Variants in ZNF142 observed in about 807,000 individuals in gnomAD.
The protein encoded by ZNF142 is zinc finger protein 142, also known as zinc finger protein 142 (clone pHZ-49).
In ZNF142, 96 loss-of-function variants were observed where a neutral mutation model predicts 132.1. That is an observed-to-expected ratio of 0.73 (90% confidence interval 0.62 to 0.86). ZNF142 has a LOEUF of 0.86. Ranked by LOEUF, ZNF142 falls within the 40% of genes least tolerant of loss-of-function variation. ZNF142 has a pLI of 0.00. For synonymous variants in ZNF142, 842 were observed against 890.1 expected (o/e 0.95, Z 0.96); for missense variants, 2,163 against 2,336.2 (o/e 0.93, Z 1.53).
Position 218,633,717 on chromosome 2 carries a change from C to T in ZNF142, c.*4622G>A, listed in dbSNP as rs1288402683. 1 of 1,613,956 alleles carries T rather than the reference C, an allele frequency of 6.2e-7. No homozygotes were observed. Among genetic ancestry groups the T allele is most frequent in the Admixed American group, 1.7e-5 (1 of 60,008 alleles). ...GAGCACTACCACTTCTACGAGATAT[C>T]ATCTTTCTCTGAAACCAAGGCCAAG... On this transcript the variant is annotated 3_prime_UTR_variant, in exon 11 of 11. Coordinates refer to ENST00000411696, the MANE Select transcript of ZNF142 (RefSeq NM_001379659.1).
At chr2:218,651,593 T>G in intron 5 of ZNF142, 108 bp downstream of exon 5, 2 of 1,157,198 alleles carry the variant, frequency 1.7e-6, no homozygotes, top group Non-Finnish European at 2.2e-6. Context: ...ACTGTCTAGA[T>G]TCTCTTATAT....
rs746498584 is a variant in ZNF142 at position 218,644,631 on chromosome 2, G to A, written c.2485C>T (p.Pro829Ser). Residue 829 changes from proline (P) to serine (S), a missense_variant, in exon 9 of 11, where the codon CCC (proline) becomes TCC (serine). Transcript: ENST00000411696. The surrounding 1 kb of genome is among the most constrained non-coding windows in gnomAD (Gnocchi z 4.6). Reference sequence around the variant, plus strand: ...GGTCGGGCTGACAGCTGGTTTGAGGGCTCTGAATCTGGTGGGGGTGTTGGG... The same window carrying A: ...GGTCGGGCTGACAGCTGGTTTGAGGACTCTGAATCTGGTGGGGGTGTTGGG... ...QGPTPPPDSEPSNQLSARPEG... is the reference protein window; with the variant it reads ...QGPTPPPDSESSNQLSARPEG... 3.1e-6 allele frequency: 5 copies of A among 1,614,102 alleles called. No homozygotes were observed. The Admixed American group carries it at 6.7e-5, about 22-fold the overall frequency.
Position 218,646,311 on chromosome 2 carries a change from T to C in ZNF142, c.1911A>G (p.Thr637=), listed in dbSNP as rs775137502. ...TGGATAGGTAGCTCACGTCTCGGCA[T>C]GTGAAGTCACACAGCTCACACTTGT... is the stretch of plus-strand genomic sequence containing the variant. The part of the protein sequence containing the change: ...KPHKCELCDF[T]CRDVSYLSKH... The change falls in exon 8 of 11, where the codon ACA becomes ACG. Residue 637 remains threonine, a synonymous_variant. Coordinates refer to ENST00000411696, the MANE Select transcript of ZNF142 (RefSeq NM_001379659.1). The C allele has an allele frequency of 8.7e-6, 14 of 1,614,092 alleles. No homozygotes were observed. The highest frequency in any genetic ancestry group is 1.6e-4 in the Middle Eastern group (1 of 6,082).
chr2:218,653,886 G>A (rs547225605), intron 4 of ZNF142, among the ~76,000 whole-genome samples: 3 of 152,146 alleles, frequency 2.0e-5, no homozygotes, highest in Admixed American at 2.0e-4. Flanking sequence ...GTCTCTCTCT[G>A]TCACCCAGGC....
Position 218,636,838 on chromosome 2 carries a change from T to C in ZNF142, c.*1501A>G. On this transcript the variant is annotated 3_prime_UTR_variant, in exon 11 of 11. Coordinates refer to ENST00000411696, the MANE Select transcript of ZNF142 (RefSeq NM_001379659.1). ...TCCTTTGTGTACTCTATACTGGAGT[T>C]CCCTTCTTCCTCTTGCTGTAGGCTC... The C allele has an allele frequency of 1.8e-6, 1 of 548,610 alleles. No homozygotes were observed. The highest frequency in any genetic ancestry group is 1.5e-5 in the South Asian group (1 of 65,362). The allele number at this position is 548,610 out of a possible 1,614,324, so 34.0% of individuals were successfully genotyped here. A position where few individuals can be genotyped will look rare whatever the true frequency, so the allele number is the denominator to read the frequency against.
rs537548545 is a variant in ZNF142 at position 218,652,218 on chromosome 2, G to A, written c.363C>T (p.His121=). The A allele has an allele frequency of 8.8e-6, 4 of 456,810 alleles. No individual in the cohort carries two copies. The highest frequency in any genetic ancestry group is 6.9e-5 in the East Asian group (1 of 14,398). The allele number at this position is 456,810 out of a possible 1,614,324, so 28.3% of individuals were successfully genotyped here. Residue 121 remains histidine (H), a synonymous_variant, in exon 5 of 11, where the codon CAC becomes CAT. Coordinates refer to ENST00000411696, the MANE Select transcript of ZNF142 (RefSeq NM_001379659.1). ...GCTGTATATGGGTCTCACTGCACTG[G>A]TGCAGGGCCAGCAGAGTGGGCTCTG... The part of the protein sequence containing the change: ...SFAEPTLLAL[H]QCSETHIQPV...
chr2:218,646,829 C>A (rs958818348), intron 7 of ZNF142, among the ~76,000 whole-genome samples: 3 of 152,082 alleles, frequency 2.0e-5, no homozygotes, highest in South Asian at 4.1e-4. Flanking sequence ...TTAGGTGATC[C>A]GCCCGCCTTG....
At chr2:218,641,507 G>A (rs1264944622) in intron 9 of ZNF142, among the ~76,000 whole-genome samples, 1 of 151,780 alleles carries the variant, frequency 6.6e-6, no homozygotes, top group Non-Finnish European at 1.5e-5. Flanking sequence ...GCCTCCCAAA[G>A]TGCTGGGATT....
intron 4 of ZNF142, among the ~76,000 whole-genome samples, chr2:218,655,286 T>C (rs1421231417): frequency 2.0e-5 from 3 of 152,206 alleles, no homozygotes; most frequent in Non-Finnish European, 4.4e-5. Context: ...TATGGTCAAA[T>C]TAGCTAATCT....
Position 218,643,093 on chromosome 2 carries a change from T to C in ZNF142, c.4023A>G (p.Pro1341=). Residue 1341 remains proline, a synonymous_variant, in exon 9 of 11, where the codon CCA becomes CCG. Transcript: ENST00000411696. Reference sequence around the variant, plus strand: ...AGGCAGTGGCAGCAGGAGCAGTGAATGGGCAGAGGCTGCAGTGCAGCTCTC... The same window carrying C: ...AGGCAGTGGCAGCAGGAGCAGTGAACGGGCAGAGGCTGCAGTGCAGCTCTC... The part of the protein sequence containing the change: ...ESGELHCSLC[P]FTAPAATALR... The C allele has an allele frequency of 6.2e-7, 1 of 1,609,800 alleles. No homozygotes were observed. The highest frequency in any genetic ancestry group is 1.3e-5 in the African/African-American group (1 of 74,992).
chr2:218,640,233 C>T lies in ZNF142; in HGVS notation c.5194+431G>A, dbSNP rs981435189. Among the ~76,000 whole-genome samples the T allele has an allele frequency of 9.2e-5, 14 of 152,180 alleles. No individual in the cohort carries two copies. In the East Asian group the frequency reaches 1.4e-3, roughly 15 times the overall value. ...CACACGATTGTGTGCTTTCAAGAAC[C>T]GGGTTTGTGGATTCCATCCACACCC... is the stretch of plus-strand genomic sequence containing the variant. On this transcript the variant is annotated intron_variant, in intron 10 of 10. Coordinates refer to ENST00000411696, the MANE Select transcript of ZNF142 (RefSeq NM_001379659.1).
chr2:218,649,292 G>C lies in ZNF142; in HGVS notation c.1216C>G (p.Leu406Val), dbSNP rs1441185801. ...AGCTCCCGCAGCAGATGGGTCTTGA[G>C]CTTGCTCTTACTGGTGAAGAACTTC... ...CQKFFTSKSK[L>V]KTHLLRELGE... The change falls in exon 7 of 11, where the codon CTC (leucine) becomes GTC (valine). Residue 406 changes from leucine to valine, a missense_variant. By Grantham distance (32) the Leu-to-Val change is conservative (BLOSUM62 1). Transcript: ENST00000411696. The C allele has an allele frequency of 6.2e-7, 1 of 1,614,256 alleles. No homozygotes were observed. The highest frequency in any genetic ancestry group is 8.5e-7 in the Non-Finnish European group (1 of 1,180,054).
rs1373239181 is a variant in ZNF142 at position 218,658,693 on chromosome 2, C to T, written c.-35+8G>A. 1.3e-5 allele frequency: 2 copies of T among 152,204 alleles called. No homozygotes were observed. Among genetic ancestry groups the T allele is most frequent in the East Asian group, 3.9e-4 (2 of 5,194 alleles). 9.4% of individuals were successfully genotyped at this position (152,204 alleles called of 1,614,324 possible). A position where few individuals can be genotyped will look rare whatever the true frequency, so the allele number is the denominator to read the frequency against. ...AGGGATTCTCTGGAAACTGCAGCCT[C>T]CACTTACTGAATATTATCGCTGTTC... is the stretch of plus-strand genomic sequence containing the variant. On this transcript the variant is annotated splice_region_variant and intron_variant, in intron 3 of 10. Coordinates refer to ENST00000411696, the MANE Select transcript of ZNF142 (RefSeq NM_001379659.1).
chr2:218,643,035 C>T lies in ZNF142; in HGVS notation c.4081G>A (p.Ala1361Thr). 2 of 1,599,116 alleles carry T rather than the reference C, an allele frequency of 1.3e-6. No homozygotes were observed. The highest frequency in any genetic ancestry group is 1.7e-6 in the Non-Finnish European group (2 of 1,172,106). The change falls in exon 9 of 11, where the codon GCA (alanine) becomes ACA (threonine). Residue 1361 changes from alanine to threonine, a missense_variant. Coordinates refer to ENST00000411696, the MANE Select transcript of ZNF142 (RefSeq NM_001379659.1). ...GGCCGGGGCCCACGGGCTGGGGCTG[C>T]AGTGGGGTGCCTCCGCTTCTGGTGG... ...RLHQKRRHPTAAPARGPRPHL... is the reference protein window; with the variant it reads ...RLHQKRRHPTTAPARGPRPHL...
intron 5 of ZNF142, among the ~76,000 whole-genome samples, chr2:218,650,734 C>T (rs1415227066): frequency 6.6e-6 from 1 of 152,212 alleles, no homozygotes; most frequent in East Asian, 1.9e-4. Context: ...TCTAAAGTAA[C>T]TCAAACCTCA....
intron 7 of ZNF142, among the ~76,000 whole-genome samples, chr2:218,646,758 T>C (rs1474212110): frequency 2.6e-5 from 4 of 152,150 alleles, no homozygotes; most frequent in Non-Finnish European, 5.9e-5. Context: ...CTAATTTTTT[T>C]GTATTTTTAG....
At position 218,642,644 on chromosome 2, in the gene ZNF142, C is replaced by T; in HGVS notation, c.4472G>A (p.Cys1491Tyr). The T allele has an allele frequency of 6.2e-7, 1 of 1,614,090 alleles. No individual in the cohort carries two copies. The highest frequency in any genetic ancestry group is 8.5e-7 in the Non-Finnish European group (1 of 1,180,038). ...QGTPAFACSQ[C>Y]EAQFSSETAL... ...TGTCTCTGAGCTGAACTGGGCTTCA[C>T]ACTGGGAGCAGGCAAAGGCTGGGGT... The change falls in exon 9 of 11, where the codon TGT (cysteine) becomes TAT (tyrosine). Residue 1491 changes from cysteine (C) to tyrosine (Y), a missense_variant. Around this residue, in one of 7 missense-constraint regions of ZNF142, gnomAD observed 809 missense variants for 801.7 expected, o/e 1.01. Transcript: ENST00000411696. The surrounding 1 kb of genome is among the most constrained non-coding windows in gnomAD (Gnocchi z 4.6).
Position 218,636,544 on chromosome 2 carries a change from C to T in ZNF142, c.*1795G>A. 1.9e-6 allele frequency: 3 copies of T among 1,613,988 alleles called. No homozygotes were observed. Among genetic ancestry groups the T allele is most frequent in the Non-Finnish European group, 2.5e-6 (3 of 1,179,890 alleles). ...CAGCTTCCATCTTTGTGTATATCTG[C>T]ATCCAGGAAGGCCTGGAGGGGGATG... On this transcript the variant is annotated 3_prime_UTR_variant, in exon 11 of 11. Transcript: ENST00000411696.
chr2:218,642,478 G>A lies in ZNF142; in HGVS notation c.4638C>T (p.His1546=), dbSNP rs1697294437. The A allele has an allele frequency of 6.2e-7, 1 of 1,609,180 alleles. No homozygotes were observed. The change falls in exon 9 of 11, where the codon CAC becomes CAT. Residue 1546 remains histidine (H), a synonymous_variant. Transcript: ENST00000411696. The surrounding 1 kb of genome is among the most constrained non-coding windows in gnomAD (Gnocchi z 4.6). ...LCPSPASLRG[H]TRKQHPRLEC... is the part of the protein sequence containing the mutation. ...CAAGCCGTGGGTGCTGTTTACGGGTGTGTCCTCGTAAGCTGGCAGGGCTGG... is the reference window on the plus strand; with the variant it reads ...CAAGCCGTGGGTGCTGTTTACGGGTATGTCCTCGTAAGCTGGCAGGGCTGG...
Sources: gnomAD v4.1 joint callset for allele counts (sites outside exome capture counted in the v4.1 genomes callset) on GRCh38, gnomAD v4.1.1 for gene constraint, gnomAD v4.1.1 regional missense constraint, Gnocchi (gnomAD v3.1) non-coding constraint, MANE v1.5 for transcripts, NCBI Gene and HGNC (gene_info 2026-07-23, HGNC 2026-07-21) for gene names.